Variants in FAXC observed in about 807,000 individuals in gnomAD.
FAXC encodes the protein failed axon connections homolog, metaxin like GST domain containing.
Under a neutral mutation model 41.9 loss-of-function variants are expected in FAXC, and 10 were observed. The ratio of observed to expected loss-of-function variants is 0.24; its 90% confidence interval spans 0.15 to 0.41. FAXC has a LOEUF of 0.41. Ranked by LOEUF, FAXC falls within the 10% of genes least tolerant of loss-of-function variation. The probability of loss-of-function intolerance (pLI) is 1.00; values close to 1 mark genes in which losing one functional copy is unlikely to be tolerated. For missense variants in FAXC, 399 were observed against 510.9 expected, an observed-to-expected ratio of 0.78 and a Z score of 2.11; for synonymous variants, 183 against 183.8, an observed-to-expected ratio of 1.00 and a Z score of 0.03.
At chr6:99,330,611 G>C (rs1772995819) in intron 3 of FAXC, among the ~76,000 whole-genome samples, 1 of 152,068 alleles carries the variant, frequency 6.6e-6, no homozygotes, top group Admixed American at 6.5e-5. Context: ...TCATGCCTGG[G>C]GTGTTTTTAA....
intron 4 of FAXC, among the ~76,000 whole-genome samples, chr6:99,311,027 T>G (rs1180895536): frequency 6.6e-6 from 1 of 152,112 alleles, no homozygotes; most frequent in African/African-American, 2.4e-5. Flanking sequence ...ACTGTCCAAG[T>G]AAAAAGAGAA....
chr6:99,279,293 A>T lies in FAXC; in HGVS notation c.*1871T>A, dbSNP rs2128445487. Reference sequence around the variant, plus strand: ...TAAGATATTAACAACTAAGTTTCCCATGGAATAAGAATTTCTAACTTAGGG... The same window carrying T: ...TAAGATATTAACAACTAAGTTTCCCTTGGAATAAGAATTTCTAACTTAGGG... On this transcript the variant is annotated 3_prime_UTR_variant, in exon 6 of 6. Transcript: ENST00000389677. 6.6e-6 allele frequency: 1 copy of T among 152,308 alleles called. No individual in the cohort carries two copies. Among genetic ancestry groups the T allele is most frequent in the South Asian group, 2.1e-4 (1 of 4,824 alleles). The allele number at this position is 152,308 out of a possible 1,614,324, so 9.4% of individuals were successfully genotyped here. A position where few individuals can be genotyped will look rare whatever the true frequency, so the allele number is the denominator to read the frequency against.
At chr6:99,290,711 AAATAAT>A (rs937807883) in intron 5 of FAXC, among the ~76,000 whole-genome samples, 2 of 151,536 alleles carry the variant, frequency 1.3e-5, no homozygotes, top group Non-Finnish European at 2.9e-5. Context: ...CAAAAATAAA[AAATAAT>A]AATAATAATA....
chr6:99,300,651 G>A (rs1771668817), intron 4 of FAXC, among the ~76,000 whole-genome samples: 1 of 152,096 alleles, frequency 6.6e-6, no homozygotes, highest in South Asian at 2.1e-4. Flanking sequence ...CATCTTCTGA[G>A]GATAAAGAAA....
At chr6:99,321,248 T>C (rs1401984042) in intron 4 of FAXC, among the ~76,000 whole-genome samples, 1 of 152,194 alleles carries the variant, frequency 6.6e-6, no homozygotes. Flanking sequence ...GGAACATTGA[T>C]AACTAATGTA....
intron 5 of FAXC, among the ~76,000 whole-genome samples, chr6:99,282,971 TAAC>T (rs1049806286): frequency 7.2e-5 from 11 of 152,226 alleles, no homozygotes; most frequent in Non-Finnish European, 1.3e-4. Flanking sequence ...TTTTTCCACT[TAAC>T]AACGTATAAT....
chr6:99,349,315 T>A lies in FAXC; in HGVS notation c.58A>T (p.Asn20Tyr). The A allele has an allele frequency of 6.2e-7, 1 of 1,613,094 alleles. No homozygotes were observed. The highest frequency in any genetic ancestry group is 8.5e-7 in the Non-Finnish European group (1 of 1,179,958). The part of the protein sequence containing the change: ...SRPCVVDLSW[N>Y]QSISFFGWWA... ...CAGCCGAAGAAGGAGATGCTCTGGTTCCAGCTCAGATCCACCACGCACGGC... is the reference window on the plus strand; with the variant it reads ...CAGCCGAAGAAGGAGATGCTCTGGTACCAGCTCAGATCCACCACGCACGGC... Residue 20 changes from asparagine (N) to tyrosine (Y), a missense_variant, in exon 1 of 6, where the codon AAC becomes TAC. Physicochemically the swap from Asn to Tyr is moderately radical, Grantham distance 143 (BLOSUM62 -2). Around this residue, in one of 3 missense-constraint regions of FAXC, gnomAD observed 68 missense variants for 63.4 expected, o/e 1.07. Transcript: ENST00000389677.
At chr6:99,296,065 G>T (rs1371533624) in intron 4 of FAXC, among the ~76,000 whole-genome samples, 1 of 152,038 alleles carries the variant, frequency 6.6e-6, no homozygotes, top group Non-Finnish European at 1.5e-5. Context: ...ATGCACTAAT[G>T]GATATTTATT....
At chr6:99,325,850 A>T (rs1772782113) in intron 3 of FAXC, among the ~76,000 whole-genome samples, 1 of 152,260 alleles carries the variant, frequency 6.6e-6, no homozygotes, top group Non-Finnish European at 1.5e-5. Context: ...CTAAAGTGTA[A>T]AAATGCAGAA....
At chr6:99,318,870 C>T (rs533063941) in intron 4 of FAXC, among the ~76,000 whole-genome samples, 1 of 152,308 alleles carries the variant, frequency 6.6e-6, no homozygotes, top group East Asian at 1.9e-4. Flanking sequence ...ACCCATATGC[C>T]AGCCACTAGG....
intron 5 of FAXC, among the ~76,000 whole-genome samples, chr6:99,285,447 T>A (rs1770998324): frequency 6.6e-6 from 1 of 152,188 alleles, no homozygotes; most frequent in South Asian, 2.1e-4. Flanking sequence ...TAATTCCATT[T>A]AGTTTAAAAA....
Position 99,323,882 on chromosome 6 carries a change from TAAAGA to T in FAXC, c.600-220_600-216del, listed in dbSNP as rs151270641. ...TGGAAGAAATGGGAAAAAATCCAGA[TAAAGA>T]TGCCATCAAACCTTTCCTGGTACCC... On this transcript the variant is annotated intron_variant, in intron 3 of 5. Transcript: ENST00000389677. 6.3e-3 allele frequency among the ~76,000 whole-genome samples: 954 copies of T among 152,248 alleles called. 7 individuals are homozygous for T. The highest frequency in any genetic ancestry group is 9.7e-3 in the Non-Finnish European group (660 of 68,014).
Position 99,275,658 on chromosome 6 carries a change from C to T in FAXC, c.*5506G>A, listed in dbSNP as rs569802098. ...TTTTTTTAAATCTATGCTTCAGTGC[C>T]CTCTGTAATCATCTCTAACTGGCAA... On this transcript the variant is annotated 3_prime_UTR_variant, in exon 6 of 6. Coordinates refer to ENST00000389677, the MANE Select transcript of FAXC (RefSeq NM_032511.4). The T allele has an allele frequency of 2.6e-5, 4 of 152,174 alleles. No individual in the cohort carries two copies. Among genetic ancestry groups the T allele is most frequent in the Admixed American group, 1.3e-4 (2 of 15,282 alleles). 9.4% of individuals were successfully genotyped at this position (152,174 alleles called of 1,614,324 possible).
intron 4 of FAXC, among the ~76,000 whole-genome samples, chr6:99,311,222 T>C (rs1582650734): frequency 6.6e-6 from 1 of 152,308 alleles, no homozygotes; most frequent in South Asian, 2.1e-4. Flanking sequence ...ATCTCTACTT[T>C]GGCCTCTGCC....
At chr6:99,340,825 C>T (rs913881175) in intron 2 of FAXC, among the ~76,000 whole-genome samples, 8 of 151,940 alleles carry the variant, frequency 5.3e-5, no homozygotes, top group Admixed American at 5.2e-4. Context: ...CACACCACCA[C>T]ACCTGGCTAA....
At position 99,301,432 on chromosome 6, in the gene FAXC, C is replaced by T. The variant is rs1771702205; in HGVS notation, c.824-9612G>A. ...ATTGCATGCTTGTATCAAAACATCT[C>T]ATGTACCTCATAAATATATATGCCT... On this transcript the variant is annotated intron_variant, in intron 4 of 5. Transcript: ENST00000389677. 2.0e-5 allele frequency among the ~76,000 whole-genome samples: 3 copies of T among 152,204 alleles called. No homozygotes were observed. In the South Asian group the frequency reaches 6.2e-4, roughly 31 times the overall value.
chr6:99,322,642 C>T (rs1463965883), intron 4 of FAXC, among the ~76,000 whole-genome samples: 2 of 152,124 alleles, frequency 1.3e-5, no homozygotes, highest in African/African-American at 4.8e-5. Context: ...CATTAGCTAT[C>T]CCCCAGGAGA....
chr6:99,341,273 A>C (rs967231257), intron 2 of FAXC, among the ~76,000 whole-genome samples: 1 of 152,224 alleles, frequency 6.6e-6, no homozygotes, highest in African/African-American at 2.4e-5. Context: ...ATAAGATATT[A>C]GAAATAAGTT....
intron 3 of FAXC, among the ~76,000 whole-genome samples, chr6:99,329,819 A>T (rs1772966940): frequency 2.0e-5 from 3 of 150,982 alleles, no homozygotes; most frequent in African/African-American, 7.3e-5. Flanking sequence ...GCCAACCTAG[A>T]AGCAAGTTTG....
Sources: allele counts gnomAD v4.1 joint callset (sites outside exome capture counted in the v4.1 genomes callset), GRCh38; gene constraint gnomAD v4.1.1; regional missense constraint gnomAD v4.1.1; transcripts MANE v1.5; gene names NCBI Gene and HGNC (gene_info 2026-07-23, HGNC 2026-07-21).